Variants in PSME3IP1 observed in about 807,000 individuals in gnomAD.
The protein encoded by PSME3IP1 is proteasome activator subunit 3 interacting protein 1, also known as PSME3-interacting protein.
A neutral mutation model predicts 34.1 loss-of-function variants in PSME3IP1; 13 were observed. The observed-to-expected ratio is 0.38, with a 90% confidence interval of 0.25 to 0.61. PSME3IP1 has a LOEUF of 0.61. Among genes scored for constraint, PSME3IP1 ranks in the 20% least tolerant of loss-of-function variants. The pLI, the probability that PSME3IP1 is intolerant of heterozygous loss-of-function variation, is 0.60. For missense variants in PSME3IP1, 237 were observed against 301.4 expected, an observed-to-expected ratio of 0.79 and a Z score of 1.58; for synonymous variants, 93 against 114.3, an observed-to-expected ratio of 0.81 and a Z score of 1.19.
At chr16:57,158,903 T>C (rs147291209) in intron 6 of PSME3IP1, among the ~76,000 whole-genome samples, 75 of 152,324 alleles carry the variant, frequency 4.9e-4, no homozygotes, top group Non-Finnish European at 8.5e-4. Flanking sequence ...GCAGCTGTAA[T>C]ACAATGGTCA....
At chr16:57,165,750 C>G (rs1397435282) in intron 5 of PSME3IP1, among the ~76,000 whole-genome samples, 1 of 152,126 alleles carries the variant, frequency 6.6e-6, no homozygotes, top group Non-Finnish European at 1.5e-5. Context: ...CCTTACTACA[C>G]AAAGAAACAT....
At chr16:57,161,817 A>G (rs1222935528) in intron 6 of PSME3IP1, among the ~76,000 whole-genome samples, 2 of 152,124 alleles carry the variant, frequency 1.3e-5, no homozygotes, top group Non-Finnish European at 2.9e-5. Context: ...GGCCAAGATC[A>G]TAATTTTTAA....
At chr16:57,155,393 T>C (rs917811124) in intron 6 of PSME3IP1, among the ~76,000 whole-genome samples, 2 of 152,152 alleles carry the variant, frequency 1.3e-5, no homozygotes, top group Non-Finnish European at 2.9e-5. Flanking sequence ...GAGGCTGAGA[T>C]AGGAGGACCA....
At chr16:57,185,607 C>T in intron 1 of PSME3IP1, 1 of 985,520 alleles carries the variant, frequency 1.0e-6, no homozygotes. Flanking sequence ...CTGAAAGGGT[C>T]CTCGCCGCGA....
chr16:57,158,362 TGGACC>T (rs1182691978), intron 6 of PSME3IP1, among the ~76,000 whole-genome samples: 3 of 149,866 alleles, frequency 2.0e-5, no homozygotes, highest in East Asian at 2.0e-4. Context: ...CTGGGGCGGG[TGGACC>T]ACCTGAAGTC....
rs1454473075 is a variant in PSME3IP1, at chr16:57,172,289, G to T, written c.310C>A (p.Arg104=). ...AGTTCTTTCAGTTCTTCTTCTCTTC[G>T]TTGCTTTTCTATTAGTTCCTGCTGT... ...SRQQELIEKQ[R]REEELKELKE... The change falls in exon 4 of 7, where the codon CGA becomes AGA. Residue 104 remains arginine (R), a synonymous_variant. Coordinates refer to ENST00000309137, the MANE Select transcript of PSME3IP1 (RefSeq NM_024946.4). The T allele has an allele frequency of 3.1e-6, 5 of 1,613,700 alleles. No individual in the cohort carries two copies. The highest frequency in any genetic ancestry group is 1.7e-5 in the Admixed American group (1 of 60,002).
chr16:57,154,477 G>C lies in PSME3IP1; in HGVS notation c.578C>G (p.Thr193Ser). Residue 193 changes from threonine to serine, a missense_variant, in exon 7 of 7, where the codon ACC becomes AGC. Physicochemically the swap from Thr to Ser is moderately conservative, Grantham distance 58. Coordinates refer to ENST00000309137, the MANE Select transcript of PSME3IP1 (RefSeq NM_024946.4). This position sits in a 1 kb window ranked among gnomAD's most constrained non-coding sequence, Gnocchi z 4.0. Reference sequence around the variant, plus strand: ...GTGGATGGAGGGGCCACTCAGGGAGGTGTTTCCGAGAGACTTGCAGGATGA... The same window carrying C: ...GTGGATGGAGGGGCCACTCAGGGAGCTGTTTCCGAGAGACTTGCAGGATGA... ...EPSSCKSLGNTSLSGPSIHCP... is the reference protein window; with the variant it reads ...EPSSCKSLGNSSLSGPSIHCP... 6.2e-7 allele frequency: 1 copy of C among 1,612,316 alleles called. No homozygotes were observed. Among genetic ancestry groups the C allele is most frequent in the South Asian group, 1.1e-5 (1 of 90,994 alleles).
chr16:57,171,042 C>T (rs776036707), intron 4 of PSME3IP1, among the ~76,000 whole-genome samples: 1 of 151,560 alleles, frequency 6.6e-6, no homozygotes, highest in Non-Finnish European at 1.5e-5. Context: ...CACTGCAGTC[C>T]AGCCTGGGCA....
chr16:57,164,090 G>C, intron 5 of PSME3IP1, 25 bp from the exon 6 acceptor site: 6 of 1,608,958 alleles, frequency 3.7e-6, no homozygotes, highest in Non-Finnish European at 3.4e-6. Flanking sequence ...ATGGTGACTT[G>C]AGCCATGTCC....
Position 57,167,160 on chromosome 16 carries a change from T to C in PSME3IP1, c.415A>G (p.Lys139Glu). 6.2e-7 allele frequency: 1 copy of C among 1,614,220 alleles called. No individual in the cohort carries two copies. ...KKEVEKKLTV[K>E]PIETKNKFSQ... ...AACTTGTTCTTGGTTTCTATAGGCT[T>C]CACAGTCAGTTTCTTTTCCACTTCC... The change falls in exon 5 of 7, where the codon AAG becomes GAG. Residue 139 changes from lysine (K) to glutamate (E), a missense_variant. Physicochemically the swap from Lys to Glu is moderately conservative, Grantham distance 56 (BLOSUM62 1). Coordinates refer to ENST00000309137, the MANE Select transcript of PSME3IP1 (RefSeq NM_024946.4).
chr16:57,176,441 C>T (rs1205326739), intron 1 of PSME3IP1, among the ~76,000 whole-genome samples: 6 of 152,182 alleles, frequency 3.9e-5, no homozygotes, highest in Non-Finnish European at 5.9e-5. Flanking sequence ...TCATCCAACT[C>T]ATATATTAAA....
intron 6 of PSME3IP1, among the ~76,000 whole-genome samples, chr16:57,159,715 G>C (rs754169987): frequency 1.3e-5 from 2 of 152,194 alleles, no homozygotes; most frequent in Non-Finnish European, 2.9e-5. Context: ...ATGACAAAAA[G>C]ATGGCTCTGA....
chr16:57,168,486 T>C (rs1213556813), intron 4 of PSME3IP1, among the ~76,000 whole-genome samples: 3 of 123,866 alleles, frequency 2.4e-5, no homozygotes, highest in Non-Finnish European at 3.4e-5. Flanking sequence ...ATAGATAATG[T>C]TAATACTCAT....
intron 1 of PSME3IP1, among the ~76,000 whole-genome samples, chr16:57,177,812 AC>A (rs575484004): frequency 3.9e-5 from 6 of 152,020 alleles, no homozygotes; most frequent in South Asian, 2.1e-4. Context: ...ACAAAGTGAG[AC>A]CCCCCATCTC....
chr16:57,179,701 T>A (rs1288257977), intron 1 of PSME3IP1, among the ~76,000 whole-genome samples: 1 of 152,244 alleles, frequency 6.6e-6, no homozygotes, highest in Non-Finnish European at 1.5e-5. Flanking sequence ...AATTAGATTG[T>A]ACATGTTAAA....
chr16:57,155,953 G>A (rs1416331758), intron 6 of PSME3IP1, among the ~76,000 whole-genome samples: 4 of 152,038 alleles, frequency 2.6e-5, no homozygotes, highest in African/African-American at 9.7e-5. Context: ...CTGGGCAACA[G>A]AGCAAGACCC....
chr16:57,172,395 C>A (rs1193331281), intron 3 of PSME3IP1, 23 bp from the exon 4 acceptor site: 1 of 1,611,374 alleles, frequency 6.2e-7, no homozygotes, highest in Non-Finnish European at 8.5e-7. Context: ...TTAAACAAGG[C>A]ACACTTAGCA....
At chr16:57,163,635 C>G (rs1236071169) in intron 6 of PSME3IP1, among the ~76,000 whole-genome samples, 8 of 152,352 alleles carry the variant, frequency 5.3e-5, no homozygotes, top group African/African-American at 1.9e-4. Flanking sequence ...CAGGTATTTA[C>G]CTCCCACTGG....
rs1206339109 is a variant in PSME3IP1, at chr16:57,152,479, C to T, written c.*1811G>A. On this transcript the variant is annotated 3_prime_UTR_variant, in exon 7 of 7. Transcript: ENST00000309137. ...GGAAAAACAAGATCTTGTTCTCTGA[C>T]AGGTTTATTAGCTTTCATGTTAATG... is the stretch of plus-strand genomic sequence containing the variant. 6.6e-6 allele frequency: 1 copy of T among 152,208 alleles called. No homozygotes were observed. The highest frequency in any genetic ancestry group is 1.5e-5 in the Non-Finnish European group (1 of 68,044). 9.4% of individuals were successfully genotyped at this position (152,208 alleles called of 1,614,324 possible).
Sources: gnomAD v4.1 joint callset for allele counts (sites outside exome capture counted in the v4.1 genomes callset) on GRCh38, gnomAD v4.1.1 for gene constraint, Gnocchi (gnomAD v3.1) non-coding constraint, MANE v1.5 for transcripts, NCBI Gene and HGNC (gene_info 2026-07-23, HGNC 2026-07-21) for gene names.